Variants in NREP observed in about 807,000 individuals in gnomAD.
The protein encoded by NREP is neuronal regeneration related protein.
Under a neutral mutation model 8.6 loss-of-function variants are expected in NREP, and 5 were observed. The ratio of observed to expected loss-of-function variants is 0.58; its 90% CI spans 0.30 to 1.22. The LOEUF (loss-of-function observed/expected upper bound fraction) is 1.22, where lower values mean the gene tolerates loss of function less well. Among genes scored for constraint, NREP ranks in the 50% most tolerant of loss-of-function variants. The pLI is 0.07. For missense variants in NREP, 86 were observed against 82.5 expected (o/e 1.04, Z -0.17); for synonymous variants, 27 against 28.0 (o/e 0.96, Z 0.11).
chr5:111,937,395 G>C (rs1343154666), intron 2 of NREP, among the ~76,000 whole-genome samples: 1 of 152,064 alleles, frequency 6.6e-6, no homozygotes, highest in Non-Finnish European at 1.5e-5. Flanking sequence ...ACTTTTGAAT[G>C]CTTTTTAATG....
intron 2 of NREP, among the ~76,000 whole-genome samples, chr5:111,938,070 C>T (rs2112610940): frequency 6.6e-6 from 1 of 152,122 alleles, no homozygotes; most frequent in East Asian, 1.9e-4. Context: ...TCAGGGTTTC[C>T]TCTGGCCCTG....
chr5:111,847,033 G>T (rs1003684237), intron 2 of NREP, among the ~76,000 whole-genome samples: 15 of 152,028 alleles, frequency 9.9e-5, no homozygotes, highest in African/African-American at 3.6e-4. Flanking sequence ...GCCAGAGACT[G>T]CTGGGCTATG....
chr5:111,960,948 T>C (rs1452501184), intron 2 of NREP, among the ~76,000 whole-genome samples: 1 of 152,230 alleles, frequency 6.6e-6, no homozygotes, highest in Non-Finnish European at 1.5e-5. Context: ...ACTTCCAACA[T>C]TATGAAATAT....
At chr5:111,871,837 T>C (rs1236292499) in intron 2 of NREP, among the ~76,000 whole-genome samples, 5 of 147,358 alleles carry the variant, frequency 3.4e-5, no homozygotes, top group African/African-American at 7.4e-5. Context: ...AAATGTTATG[T>C]AGTACAGACT....
At chr5:111,794,901 G>C (rs941737089) in intron 2 of NREP, among the ~76,000 whole-genome samples, 7 of 151,538 alleles carry the variant, frequency 4.6e-5, no homozygotes, top group African/African-American at 1.2e-4. Context: ...GTTGTTTTGG[G>C]TCACAGAGGC....
chr5:111,764,001 A>G (rs1369975992), intron 2 of NREP, among the ~76,000 whole-genome samples: 20 of 152,274 alleles, frequency 1.3e-4, no homozygotes, highest in Non-Finnish European at 2.9e-5. Flanking sequence ...GTGGATTAAC[A>G]AAAAAAACCT....
chr5:111,757,115 A>T, intron 1 of NREP, 21 bp downstream of exon 1: 1 of 737,930 alleles, frequency 1.4e-6, no homozygotes. Context: ...CCAGCCGGGG[A>T]TAGGAATGGC....
chr5:111,818,151 T>G (rs2112921412), intron 2 of NREP, among the ~76,000 whole-genome samples: 1 of 152,304 alleles, frequency 6.6e-6, no homozygotes, highest in South Asian at 2.1e-4. Context: ...AGAAAAACAT[T>G]AAATAATTAG....
intron 2 of NREP, among the ~76,000 whole-genome samples, chr5:111,847,192 G>A (rs1753197870): frequency 6.6e-6 from 1 of 151,832 alleles, no homozygotes; most frequent in Non-Finnish European, 1.5e-5. Context: ...AACAGCAAAT[G>A]TTTATTTCTG....
rs879258045 is a variant in NREP at position 111,816,431 on chromosome 5, T to A, written c.136-80924A>T. 2.3e-4 allele frequency among the ~76,000 whole-genome samples: 35 copies of A among 152,222 alleles called. 1 individual carries two copies. The highest frequency in any genetic ancestry group is 2.1e-3 in the Admixed American group (32 of 15,294). On this transcript the variant is annotated intron_variant, in intron 2 of 3. Transcript: ENST00000395634. ...GTTTAAAACATATATAAACAAAAAG[T>A]ACATAGCAACAATTGTGAAAAGATG...
chr5:111,800,811 C>A (rs904771285), intron 2 of NREP, among the ~76,000 whole-genome samples: 1 of 152,172 alleles, frequency 6.6e-6, no homozygotes, highest in Admixed American at 6.5e-5. Context: ...ACAGAAATCT[C>A]ATTTTTTTAT....
intron 2 of NREP, among the ~76,000 whole-genome samples, chr5:111,898,093 T>C (rs1754555329): frequency 1.3e-5 from 2 of 152,168 alleles, no homozygotes; most frequent in Admixed American, 6.5e-5. Context: ...TTACAAGTGT[T>C]AGAACTTTGG....
rs867304910 is a variant in NREP, at chr5:111,755,691, A to G, written c.3+79T>C. The G allele has an allele frequency of 1.7e-5, 25 of 1,483,856 alleles. 1 individual carries two copies. In the Middle Eastern group the frequency reaches 1.2e-3, roughly 71 times the overall value. The allele number at this position is 1,483,856 out of a possible 1,614,324, so 91.9% of individuals were successfully genotyped here. A position where few individuals can be genotyped will look rare whatever the true frequency, so the allele number is the denominator to read the frequency against. ...GTAGAACAATGAAGGGTTGAGGCGGATGAAGATGGGTGGTTGATATTTATA... is the reference window on the plus strand; with the variant it reads ...GTAGAACAATGAAGGGTTGAGGCGGGTGAAGATGGGTGGTTGATATTTATA... On this transcript the variant is annotated intron_variant, in intron 2 of 3. Coordinates refer to ENST00000257435, the MANE Select transcript of NREP (RefSeq NM_004772.4).
intron 2 of NREP, among the ~76,000 whole-genome samples, chr5:111,936,301 G>T (rs745726445): frequency 4.6e-5 from 7 of 151,994 alleles, no homozygotes; most frequent in Non-Finnish European, 8.8e-5. Context: ...GTTCTCACAA[G>T]ATCTGATGGT....
intron 2 of NREP, among the ~76,000 whole-genome samples, chr5:111,815,915 A>G (rs1581137909): frequency 6.6e-6 from 1 of 152,296 alleles, no homozygotes; most frequent in East Asian, 1.9e-4. Flanking sequence ...ATCTAGTCAC[A>G]CCGAAGTGAA....
At chr5:111,843,614 C>A (rs1037463651) in intron 2 of NREP, among the ~76,000 whole-genome samples, 5 of 151,992 alleles carry the variant, frequency 3.3e-5, no homozygotes, top group Non-Finnish European at 7.4e-5. Context: ...ATTCTTGAGC[C>A]TTATTATTAG....
chr5:111,789,388 TA>T (rs1041265338), intron 2 of NREP, among the ~76,000 whole-genome samples: 60 of 152,342 alleles, frequency 3.9e-4, no homozygotes, highest in African/African-American at 1.4e-3. Flanking sequence ...TTTTAATGTG[TA>T]TTATTCCACC....
chr5:111,773,078 A>G (rs1437700495), intron 2 of NREP, among the ~76,000 whole-genome samples: 2 of 152,216 alleles, frequency 1.3e-5, no homozygotes, highest in African/African-American at 2.4e-5. Context: ...TAATCCCAAC[A>G]GACAATAGAT....
In NREP at chr5:111,883,178, T is replaced by C. The variant is rs542878334; in HGVS notation, c.135+92096A>G. Among the ~76,000 whole-genome samples the C allele has an allele frequency of 7.7e-4, 118 of 152,288 alleles. 1 individual carries two copies. The highest frequency in any genetic ancestry group is 2.6e-3 in the African/African-American group (108 of 41,564). On this transcript the variant is annotated intron_variant, in intron 2 of 3. Transcript: ENST00000395634. ...CAAAAAAAGGCAGGGGTTGCAATGC[T>C]AGTCTCTGATAAAACAGACTTTAAA...
Sources: allele counts gnomAD v4.1 joint callset (sites outside exome capture counted in the v4.1 genomes callset), GRCh38; gene constraint gnomAD v4.1.1; transcripts MANE v1.5; gene names NCBI Gene and HGNC (gene_info 2026-07-23, HGNC 2026-07-21).